CHD2: variants seen among roughly 807,000 people sequenced by gnomAD.
The protein encoded by CHD2 is ATP-dependent chromatin remodeler CHD2.
A neutral mutation model predicts 243.9 loss-of-function variants in CHD2; 28 were observed. The ratio of observed to expected loss-of-function variants is 0.11; its 90% CI spans 0.09 to 0.16. The LOEUF (loss-of-function observed/expected upper bound fraction) is 0.16. Ranked by LOEUF, CHD2 falls within the 10% of genes least tolerant of loss-of-function variation. The pLI, the probability that CHD2 is intolerant of heterozygous loss-of-function variation, is 1.00. For missense variants in CHD2, 1,386 were observed against 2,209.8 expected, an observed-to-expected ratio of 0.63 and a Z score of 7.47; for synonymous variants, 775 against 779.0, an observed-to-expected ratio of 0.99 and a Z score of 0.09.
intron 2 of CHD2, chr15:92,904,855 A>G (rs1341175773): frequency 6.3e-5 from 96 of 1,525,974 alleles, no homozygotes; most frequent in South Asian, 1.9e-4. Flanking sequence ...TCAGAGGCGG[A>G]TACTTTTATT....
At chr15:93,010,643 C>T (rs1437137910) in intron 35 of CHD2, among the ~76,000 whole-genome samples, 3 of 152,086 alleles carry the variant, frequency 2.0e-5, no homozygotes, top group South Asian at 2.1e-4. Flanking sequence ...AGGCTGGTCT[C>T]GAGCTCCTGA....
chr15:92,922,303 G>A (rs1357176232), intron 2 of CHD2, among the ~76,000 whole-genome samples: 1 of 152,096 alleles, frequency 6.6e-6, no homozygotes, highest in Non-Finnish European at 1.5e-5. Flanking sequence ...ATGCCTAATA[G>A]TATTGTCCTT....
intron 12 of CHD2, 140 bp downstream of exon 12, chr15:92,946,356 CATT>C (rs2053467991): frequency 1.7e-6 from 1 of 583,344 alleles, no homozygotes. Context: ...TTAAATATGA[CATT>C]AAAGCAAAAG....
intron 3 of CHD2, among the ~76,000 whole-genome samples, chr15:92,926,171 C>A (rs2053057474): frequency 6.6e-6 from 1 of 152,298 alleles, no homozygotes; most frequent in South Asian, 2.1e-4. Context: ...CAGGATCTCC[C>A]TACGTAGCCC....
intron 2 of CHD2, among the ~76,000 whole-genome samples, chr15:92,907,381 C>T (rs1330263798): frequency 5.3e-5 from 8 of 152,022 alleles, no homozygotes. Flanking sequence ...TTACTGAGTC[C>T]CTGTAGTTTG....
At chr15:92,973,049 A>G (rs969718709) in intron 19 of CHD2, among the ~76,000 whole-genome samples, 4 of 152,194 alleles carry the variant, frequency 2.6e-5, no homozygotes, top group Non-Finnish European at 4.4e-5. Flanking sequence ...GTGAAAGTAG[A>G]GAGGAAGTAA....
chr15:92,983,395 A>G (rs528283600), intron 24 of CHD2, among the ~76,000 whole-genome samples: 1 of 152,326 alleles, frequency 6.6e-6, no homozygotes, highest in Admixed American at 6.5e-5. Flanking sequence ...GTATGTGCAT[A>G]TTTACATCAA....
chr15:92,925,723 A>G (rs2053047338), intron 3 of CHD2, among the ~76,000 whole-genome samples: 1 of 151,772 alleles, frequency 6.6e-6, no homozygotes, highest in Non-Finnish European at 1.5e-5. Context: ...ATTTCCTACC[A>G]TTTGGTTATT....
At chr15:92,973,924 G>A (rs1474020406) in intron 19 of CHD2, 1 of 152,208 alleles carries the variant, frequency 6.6e-6, no homozygotes, top group Non-Finnish European at 1.5e-5. Flanking sequence ...AGAGTAGTCA[G>A]TGAGAAAGAA....
At chr15:92,940,938 A>AT (rs1567134512) in intron 7 of CHD2, among the ~76,000 whole-genome samples, 1 of 136,768 alleles carries the variant, frequency 7.3e-6, no homozygotes, top group African/African-American at 2.8e-5. Context: ...ATATATATAA[A>AT]ATATATATAA....
Position 93,024,787 on chromosome 15 carries a change from G to A in CHD2, c.*82G>A, listed in dbSNP as rs548256378. On this transcript the variant is annotated 3_prime_UTR_variant, in exon 39 of 39. Coordinates refer to ENST00000394196, the MANE Select transcript of CHD2 (RefSeq NM_001271.4). The stretch of plus-strand genomic sequence containing the variant: ...TGATCCTACAGTAGCCGGTTATCTA[G>A]ACCAGTAAGTGGAGTTTTGGACATG... 26 of 1,220,148 alleles carry A rather than the reference G, an allele frequency of 2.1e-5. No homozygotes were observed. In the African/African-American group the frequency reaches 3.8e-4, roughly 18 times the overall value. 75.6% of individuals were successfully genotyped at this position (1,220,148 alleles called of 1,614,324 possible). A position where few individuals can be genotyped will look rare whatever the true frequency, so the allele number is the denominator to read the frequency against.
chr15:92,983,253 G>T (rs1654889482), intron 24 of CHD2, among the ~76,000 whole-genome samples: 1 of 152,140 alleles, frequency 6.6e-6, no homozygotes, highest in African/African-American at 2.4e-5. Context: ...CCTTTCTTCA[G>T]CAATAAAAAC....
At chr15:92,905,012 A>G (rs1305454054) in intron 2 of CHD2, 5 of 1,533,712 alleles carry the variant, frequency 3.3e-6, no homozygotes, top group South Asian at 2.4e-5. Context: ...AACTCAGGTC[A>G]GTATGTGCTA....
intron 5 of CHD2, among the ~76,000 whole-genome samples, chr15:92,931,449 G>T (rs1596385090): frequency 6.6e-6 from 1 of 152,070 alleles, no homozygotes; most frequent in Non-Finnish European, 1.5e-5. Flanking sequence ...GTGCAACCTT[G>T]GCTCTCTGCA....
chr15:92,935,196 T>C (rs149985888), intron 5 of CHD2, among the ~76,000 whole-genome samples: 6,495 of 152,036 alleles, frequency 0.043, 377 homozygotes, highest in African/African-American at 0.12. Flanking sequence ...CCACCACGCC[T>C]GGCTAATTGT....
In CHD2 at chr15:92,900,735, AGG is replaced by A; in HGVS notation, c.-160_-159del. On this transcript the variant is annotated 5_prime_UTR_variant, in exon 1 of 39. Transcript: ENST00000394196. ...TTATTTATTTTTCGTTTTTTAACGG[AGG>A]ATTTTGCCTTTATTTTTAATTATTT... The A allele has an allele frequency of 5.0e-6, 2 of 397,026 alleles. No individual in the cohort carries two copies. The highest frequency in any genetic ancestry group is 6.3e-4 in the Middle Eastern group (1 of 1,584). 24.6% of individuals were successfully genotyped at this position (397,026 alleles called of 1,614,324 possible).
chr15:92,944,552 C>G (rs772959803), intron 10 of CHD2, 37 bp downstream of exon 10: 1 of 1,101,994 alleles, frequency 9.1e-7, no homozygotes. Context: ...CATATTTGAA[C>G]TTGAGGAATA....
chr15:92,954,514 G>A (rs1015741500), intron 14 of CHD2, among the ~76,000 whole-genome samples: 1 of 152,136 alleles, frequency 6.6e-6, no homozygotes. Context: ...CATTAAAATT[G>A]TGTAACTTAA....
chr15:92,948,443 A>G (rs1445561514), intron 12 of CHD2, among the ~76,000 whole-genome samples: 1 of 152,226 alleles, frequency 6.6e-6, no homozygotes. Context: ...CAAGTTAACT[A>G]AAAATATTTT....
Sources: allele counts gnomAD v4.1 joint callset (sites outside exome capture counted in the v4.1 genomes callset), GRCh38; gene constraint gnomAD v4.1.1; transcripts MANE v1.5; gene names NCBI Gene and HGNC (gene_info 2026-07-23, HGNC 2026-07-21).